IRAG2: variants seen among roughly 807,000 people sequenced by gnomAD.
IRAG2 encodes lymphoid restricted membrane protein.
Under a neutral mutation model 69.9 loss-of-function variants are expected in IRAG2, and 45 were observed. The observed-to-expected ratio is 0.64, with a 90% CI of 0.51 to 0.83. The LOEUF is 0.83. Among genes scored for constraint, IRAG2 ranks in the 40% least tolerant of loss-of-function variants. The probability of loss-of-function intolerance (pLI) is 0.00; values close to 1 mark genes in which losing one functional copy is unlikely to be tolerated. For synonymous variants in IRAG2, 193 were observed against 202.4 expected (o/e 0.95, Z 0.40); for missense variants, 520 against 587.0 (o/e 0.89, Z 1.18).
At chr12:25,099,723 C>G (rs185186564) in intron 15 of IRAG2, among the ~76,000 whole-genome samples, 3 of 151,946 alleles carry the variant, frequency 2.0e-5, no homozygotes, top group Non-Finnish European at 2.9e-5. Context: ...GATGTGTGGC[C>G]GGGCGCGGTG....
intron 9 of IRAG2, among the ~76,000 whole-genome samples, chr12:25,081,335 G>A (rs1947199118): frequency 6.6e-6 from 1 of 152,148 alleles, no homozygotes; most frequent in Non-Finnish European, 1.5e-5. Context: ...GTGGTGGCGG[G>A]CACCTGTAGT....
intron 9 of IRAG2, among the ~76,000 whole-genome samples, chr12:25,027,177 C>T (rs1944628771): frequency 6.6e-6 from 1 of 152,010 alleles, no homozygotes; most frequent in African/African-American, 2.4e-5. Context: ...ATTCTCATCA[C>T]CCTGAAAGAA....
intron 10 of IRAG2, among the ~76,000 whole-genome samples, chr12:25,087,464 T>G (rs859158): frequency 6.6e-6 from 1 of 151,854 alleles, no homozygotes; most frequent in Non-Finnish European, 1.5e-5. Flanking sequence ...CACAGCGCCC[T>G]GCCATTTCCT....
At chr12:25,048,546 C>T (rs766461782), upstream of IRAG2, among the ~76,000 whole-genome samples, 1 of 152,192 alleles carries the variant, frequency 6.6e-6, no homozygotes, top group Admixed American at 6.5e-5. Context: ...ATCCACCCGC[C>T]TCAGCCTCCC....
chr12:25,081,818 C>A (rs1488773723), intron 9 of IRAG2, among the ~76,000 whole-genome samples: 1 of 151,922 alleles, frequency 6.6e-6, no homozygotes, highest in African/African-American at 2.4e-5. Context: ...CATAAAAGGA[C>A]TACTGTTTCT....
intron 2 of IRAG2, among the ~76,000 whole-genome samples, chr12:25,008,395 A>G (rs1050751927): frequency 2.0e-5 from 3 of 152,054 alleles, no homozygotes; most frequent in Non-Finnish European, 4.4e-5. Context: ...TGAGCCCAGG[A>G]GTTTGAGACT....
chr12:25,098,842 C>T (rs759284696), intron 15 of IRAG2, among the ~76,000 whole-genome samples: 1 of 152,170 alleles, frequency 6.6e-6, no homozygotes, highest in Non-Finnish European at 1.5e-5. Context: ...TTTGCTTCCA[C>T]AAAGCAGATT....
intron 6 of IRAG2, among the ~76,000 whole-genome samples, chr12:25,017,756 T>C (rs1399889865): frequency 6.6e-6 from 1 of 151,796 alleles, no homozygotes; most frequent in Admixed American, 6.6e-5. Context: ...GAGTATATTC[T>C]CAAGGTTGTG....
intron 17 of IRAG2, chr12:25,103,107 A>C (rs1948844911): frequency 1.3e-5 from 2 of 152,194 alleles, no homozygotes; most frequent in Admixed American, 1.3e-4. Context: ...GGTTTAAGAA[A>C]ACGATTCACA....
At chr12:25,044,639 A>C (rs1172609413) in intron 16 of IRAG2, among the ~76,000 whole-genome samples, 4 of 152,202 alleles carry the variant, frequency 2.6e-5, no homozygotes, top group Non-Finnish European at 5.9e-5. Flanking sequence ...ATCAGACAAA[A>C]TAGACTTTAA....
At chr12:25,090,251 C>T (rs1260620180) in intron 14 of IRAG2, 54 bp downstream of exon 14, 3 of 1,545,546 alleles carry the variant, frequency 1.9e-6, no homozygotes, top group Non-Finnish European at 2.7e-6. Flanking sequence ...GGCACAGTGG[C>T]TCACACCTAT....
At chr12:25,061,705 C>T in intron 2 of IRAG2, 52 bp downstream of exon 2, 1 of 398,328 alleles carries the variant, frequency 2.5e-6, no homozygotes. Context: ...TTGTTCAATT[C>T]ATGTAAGGTT....
In IRAG2 at chr12:25,069,444, C is replaced by T; in HGVS notation, c.24+13C>T. 6.2e-7 allele frequency: 1 copy of T among 1,613,310 alleles called. No individual in the cohort carries two copies. The highest frequency in any genetic ancestry group is 8.5e-7 in the Non-Finnish European group (1 of 1,179,304). On this transcript the variant is annotated intron_variant, in intron 6 of 21. Coordinates refer to ENST00000556887, the MANE Select transcript of IRAG2 (RefSeq NM_001366544.2). ...CCCAAGTATGGAAGTGAGTGTTGGA[C>T]TGGATTTTGGTTTCATTTTCAGTAT...
chr12:25,096,745 AATAAT>A (rs1948444396), intron 14 of IRAG2, 160 bp from the exon 15 acceptor site: 1 of 520,652 alleles, frequency 1.9e-6, no homozygotes, highest in Non-Finnish European at 3.4e-6. Context: ...CAAAAAAGAT[AATAAT>A]ATATCAGTAT....
rs1311867679 is a variant in IRAG2 at position 25,015,332 on chromosome 12, C to T, written c.977-18C>T. The T allele has an allele frequency of 4.9e-6, 6 of 1,231,078 alleles. No individual in the cohort carries two copies. The African/African-American group carries it at 7.8e-5, about 16-fold the overall frequency. The allele number at this position is 1,231,078 out of a possible 1,614,324, so 76.3% of individuals were successfully genotyped here. ...TAGAAAATGATTTTTTTTCATAAAA[C>T]TCTTGTATGTGTTTCAGTGAAGATG... On this transcript the variant is annotated intron_variant, in intron 4 of 38. Coordinates refer to the IRAG2 transcript ENST00000636465.
At chr12:25,049,927 G>A (rs535353989), upstream of IRAG2, among the ~76,000 whole-genome samples, 4 of 137,060 alleles carry the variant, frequency 2.9e-5, no homozygotes, top group South Asian at 7.2e-4. Flanking sequence ...AGCTTGCAGT[G>A]AGCCAAGATT....
intron 6 of IRAG2, among the ~76,000 whole-genome samples, chr12:25,074,612 A>G (rs1946556016): frequency 6.6e-6 from 1 of 152,202 alleles, no homozygotes; most frequent in South Asian, 2.1e-4. Flanking sequence ...TACGCAAAAT[A>G]CCTGAATCAT....
In IRAG2 at chr12:25,108,208, T is replaced by TTTATCTCCCCAACTAAAATACA. The variant is rs1949353552; in HGVS notation, c.*149_*170dup. 4.7e-6 allele frequency: 4 copies of TTTATCTCCCCAACTAAAATACA among 844,128 alleles called. No homozygotes were observed. The highest frequency in any genetic ancestry group is 1.7e-5 in the African/African-American group (1 of 58,642). 52.3% of individuals were successfully genotyped at this position (844,128 alleles called of 1,614,324 possible). On this transcript the variant is annotated 3_prime_UTR_variant, in exon 22 of 22. Coordinates refer to ENST00000556887, the MANE Select transcript of IRAG2 (RefSeq NM_001366544.2). ...ATAGCTTACATTTCCTCTTTTTGCC[T>TTTATCTCCCCAACTAAAATACA]TTATCTCCCCAACTAAAATACAATG...
chr12:25,063,599 C>T (rs1450751204), intron 3 of IRAG2, 121 bp from the exon 4 acceptor site: 1 of 396,800 alleles, frequency 2.5e-6, no homozygotes, highest in Non-Finnish European at 4.4e-6. Flanking sequence ...TCTTCTTGAT[C>T]TCTCTCACAG....
Sources: gnomAD v4.1 joint callset for allele counts (sites outside exome capture counted in the v4.1 genomes callset) on GRCh38, gnomAD v4.1.1 for gene constraint, MANE v1.5 for transcripts, NCBI Gene and HGNC (gene_info 2026-07-23, HGNC 2026-07-21) for gene names.